CFDP1: variants seen among roughly 807,000 people sequenced by gnomAD.
The protein encoded by CFDP1 is chromatin remodeling protein CFDP1.
Under a neutral mutation model 40.1 loss-of-function variants are expected in CFDP1, and 31 were observed. That is an observed-to-expected ratio of 0.77 (90% CI 0.58 to 1.04). The LOEUF is 1.04. CFDP1 is among the 50% of genes least tolerant of loss of function. The pLI, the probability that CFDP1 is intolerant of heterozygous loss-of-function variation, is 0.00. For missense variants in CFDP1, 423 were observed against 343.4 expected (o/e 1.23, Z -1.83); for synonymous variants, 167 against 120.0 (o/e 1.39, Z -2.56).
At chr16:75,401,020 A>T (rs1434359711) in intron 4 of CFDP1, among the ~76,000 whole-genome samples, 1 of 152,172 alleles carries the variant, frequency 6.6e-6, no homozygotes, top group African/African-American at 2.4e-5. Context: ...ATCCAGCTTG[A>T]CACAGTGGCT....
intron 1 of CFDP1, among the ~76,000 whole-genome samples, chr16:75,424,911 C>T (rs2079319502): frequency 6.6e-6 from 1 of 152,070 alleles, no homozygotes; most frequent in African/African-American, 2.4e-5. Flanking sequence ...TGTTTCTATT[C>T]ACATTTGACA....
chr16:75,403,232 T>C (rs2079070493), intron 4 of CFDP1, among the ~76,000 whole-genome samples: 1 of 152,152 alleles, frequency 6.6e-6, no homozygotes, highest in African/African-American at 2.4e-5. Flanking sequence ...TTTATGACTT[T>C]TTTTGAGACA....
At chr16:75,417,881 T>C (rs1462075708) in intron 1 of CFDP1, among the ~76,000 whole-genome samples, 1 of 152,134 alleles carries the variant, frequency 6.6e-6, no homozygotes, top group Non-Finnish European at 1.5e-5. Context: ...CTATTTCCTT[T>C]ATATCATAGG....
intron 5 of CFDP1, among the ~76,000 whole-genome samples, chr16:75,329,504 C>T (rs947542159): frequency 1.5e-4 from 23 of 152,188 alleles, no homozygotes; most frequent in Middle Eastern, 3.4e-3. Context: ...GCTACTGCTT[C>T]TTTTTTTAAG....
Position 75,411,828 on chromosome 16 carries a change from A to G in CFDP1, c.527T>C (p.Val176Ala). The G allele has an allele frequency of 2.5e-6, 4 of 1,609,212 alleles. No homozygotes were observed. The highest frequency in any genetic ancestry group is 3.4e-6 in the Non-Finnish European group (4 of 1,179,030). ...AAGTTTTTGAAGGTTCTCTTACCTT[A>G]CTTCTTCACCAGCAAAATCAAACAC... Reference protein sequence around the residue: ...TKVFDFAGEEVRVTKEVDATS... With the variant: ...TKVFDFAGEEARVTKEVDATS... Residue 176 changes from valine (V) to alanine (A), a missense_variant, in exon 4 of 7, where the codon GTA becomes GCA. Physicochemically the swap from Val to Ala is moderately conservative, Grantham distance 64 (BLOSUM62 0). Transcript: ENST00000283882.
intron 1 of CFDP1, among the ~76,000 whole-genome samples, chr16:75,424,749 C>G (rs1204516224): frequency 9.8e-6 from 1 of 101,920 alleles, no homozygotes; most frequent in Non-Finnish European, 2.2e-5. Flanking sequence ...GAGGGAGACT[C>G]CGTCTCAAAA....
chr16:75,362,078 G>T (rs943973231), intron 5 of CFDP1, among the ~76,000 whole-genome samples: 2 of 151,746 alleles, frequency 1.3e-5, no homozygotes, highest in Non-Finnish European at 2.9e-5. Flanking sequence ...TGCCGCAATC[G>T]AATGCTTGCT....
chr16:75,337,834 T>C (rs1436287301), intron 5 of CFDP1, among the ~76,000 whole-genome samples: 1 of 152,108 alleles, frequency 6.6e-6, no homozygotes, highest in Non-Finnish European at 1.5e-5. Context: ...GACAAGAGAT[T>C]TGGGCGGGGC....
At chr16:75,345,162 CA>C (rs2078553585) in intron 5 of CFDP1, among the ~76,000 whole-genome samples, 1 of 151,480 alleles carries the variant, frequency 6.6e-6, no homozygotes, top group Non-Finnish European at 1.5e-5. Flanking sequence ...CCCATCACTA[CA>C]AAAATAAAAC....
chr16:75,333,775 C>A (rs1038634325), intron 5 of CFDP1, among the ~76,000 whole-genome samples: 1 of 152,116 alleles, frequency 6.6e-6, no homozygotes, highest in Non-Finnish European at 1.5e-5. Context: ...AAAGTTGTTA[C>A]TGTTTTTTTG....
chr16:75,369,445 A>G (rs2078737315), intron 5 of CFDP1, among the ~76,000 whole-genome samples: 1 of 152,206 alleles, frequency 6.6e-6, no homozygotes, highest in South Asian at 2.1e-4. Flanking sequence ...GCACACTGCT[A>G]TACAGAATTC....
chr16:75,342,095 C>A (rs1483736044), intron 5 of CFDP1, among the ~76,000 whole-genome samples: 2 of 152,224 alleles, frequency 1.3e-5, no homozygotes, highest in Non-Finnish European at 2.9e-5. Context: ...GCCACACCAA[C>A]AGATGTTTCC....
chr16:75,350,678 G>T (rs898174968), intron 5 of CFDP1, among the ~76,000 whole-genome samples: 2 of 152,106 alleles, frequency 1.3e-5, no homozygotes, highest in East Asian at 3.9e-4. Flanking sequence ...AAGACTAGAA[G>T]CAACCCAAAT....
At chr16:75,324,194 A>AGAGTCTG (rs2078387090) in intron 5 of CFDP1, among the ~76,000 whole-genome samples, 1 of 152,106 alleles carries the variant, frequency 6.6e-6, no homozygotes, top group African/African-American at 2.4e-5. Flanking sequence ...GTAGAGCATA[A>AGAGTCTG]GAGTCTGAGA....
chr16:75,338,924 G>A (rs974340975), intron 5 of CFDP1, among the ~76,000 whole-genome samples: 1 of 152,034 alleles, frequency 6.6e-6, no homozygotes, highest in African/African-American at 2.4e-5. Flanking sequence ...TTTATAGGCT[G>A]GCCAGTTTTC....
intron 4 of CFDP1, among the ~76,000 whole-genome samples, chr16:75,410,568 T>C (rs1482122696): frequency 5.9e-5 from 9 of 151,596 alleles, no homozygotes; most frequent in Non-Finnish European, 1.2e-4. Context: ...GGTCAGGAGT[T>C]CAAGACCAGT....
Position 75,373,849 on chromosome 16 carries a change from G to C in CFDP1, c.650+21241C>G, listed in dbSNP as rs368298554. 7.2e-5 allele frequency among the ~76,000 whole-genome samples: 11 copies of C among 152,184 alleles called. No individual in the cohort carries two copies. The East Asian group carries it at 1.2e-3, about 16-fold the overall frequency. ...ATTTCCATTTGAGAAAAAAATTCTG[G>C]TAGGAATTGTATCATCTTTCTAAAC... On this transcript the variant is annotated intron_variant, in intron 5 of 6. Transcript: ENST00000283882.
intron 5 of CFDP1, among the ~76,000 whole-genome samples, chr16:75,367,500 A>T (rs1241467895): frequency 6.6e-6 from 1 of 151,606 alleles, no homozygotes; most frequent in Non-Finnish European, 1.5e-5. Context: ...GACTTAAAAG[A>T]CTTAACAGTC....
intron 6 of CFDP1, among the ~76,000 whole-genome samples, chr16:75,294,611 T>C (rs570603418): frequency 6.6e-6 from 1 of 152,330 alleles, no homozygotes; most frequent in South Asian, 2.1e-4. Flanking sequence ...AAGTGCACAC[T>C]TTAGAAGTGA....
Sources: allele counts gnomAD v4.1 joint callset (sites outside exome capture counted in the v4.1 genomes callset), GRCh38; gene constraint gnomAD v4.1.1; transcripts MANE v1.5; gene names NCBI Gene and HGNC (gene_info 2026-07-23, HGNC 2026-07-21).